SEC14L1: variants seen among roughly 807,000 people sequenced by gnomAD.
The protein encoded by SEC14L1 is SEC14 like lipid binding 1, also known as SEC14-like protein 1.
A neutral mutation model predicts 85.3 loss-of-function variants in SEC14L1; 48 were observed. That is an observed-to-expected ratio of 0.56 (90% CI 0.45 to 0.72). The LOEUF is 0.72. Ranked by LOEUF, SEC14L1 falls within the 30% of genes least tolerant of loss-of-function variation. The probability of loss-of-function intolerance (pLI) is 0.00; values close to 1 mark genes in which losing one functional copy is unlikely to be tolerated. For synonymous variants in SEC14L1, 391 were observed against 355.5 expected (o/e 1.10, Z -1.12); for missense variants, 682 against 921.4 (o/e 0.74, Z 3.36).
chr17:77,206,298 G>T lies in SEC14L1; in HGVS notation c.1239G>T (p.Ala413=). The T allele has an allele frequency of 1.2e-6, 2 of 1,614,140 alleles. No homozygotes were observed. Among genetic ancestry groups the T allele is most frequent in the Non-Finnish European group, 1.7e-6 (2 of 1,180,016 alleles). Reference sequence around the variant, plus strand: ...ACTTGTGGAGACCTGGTGTGAAAGCGCTGCTGCGGATCATCGAGGTGGTGG... The same window carrying T: ...ACTTGTGGAGACCTGGTGTGAAAGCTCTGCTGCGGATCATCGAGGTGGTGG... The part of the protein sequence containing the change: ...MRHLWRPGVK[A]LLRIIEVVEA... Residue 413 remains alanine (A), a synonymous_variant, in exon 12 of 17, where the codon GCG becomes GCT. Transcript: ENST00000436233. The surrounding 1 kb of genome is among the most constrained non-coding windows in gnomAD (Gnocchi z 4.3).
chr17:77,113,009 A>G (rs1205232227), intron 3 of SEC14L1, among the ~76,000 whole-genome samples: 2 of 152,014 alleles, frequency 1.3e-5, no homozygotes, highest in Non-Finnish European at 2.9e-5. Flanking sequence ...CTACAAAAAA[A>G]TTAATCAGGC....
chr17:77,131,785 C>T (rs1972620080), intron 3 of SEC14L1, among the ~76,000 whole-genome samples: 1 of 152,152 alleles, frequency 6.6e-6, no homozygotes, highest in Non-Finnish European at 1.5e-5. Context: ...AGTCAATGTA[C>T]TTTTTGCACA....
At chr17:77,096,025 G>A (rs79211382) in intron 3 of SEC14L1, among the ~76,000 whole-genome samples, 3,121 of 148,962 alleles carry the variant, frequency 0.021, 67 homozygotes, top group Admixed American at 0.053. Flanking sequence ...GTCTCCTGCT[G>A]TCATTCAGTT....
chr17:77,148,640 C>CAGCGA (rs760462167), intron 3 of SEC14L1, among the ~76,000 whole-genome samples: 174 of 152,342 alleles, frequency 1.1e-3, no homozygotes, highest in Admixed American at 4.3e-3. Context: ...AACCAAGGCA[C>CAGCGA]CTGGTTCTGT....
At chr17:77,200,295 A>C (rs1319147261) in intron 8 of SEC14L1, among the ~76,000 whole-genome samples, 189 bp from the exon 9 acceptor site, 1 of 151,898 alleles carries the variant, frequency 6.6e-6, no homozygotes, top group Non-Finnish European at 1.5e-5. Flanking sequence ...TCAGCCTCCG[A>C]GTAGCTGGGA....
intron 3 of SEC14L1, among the ~76,000 whole-genome samples, chr17:77,162,898 G>A (rs1305524740): frequency 6.6e-6 from 1 of 152,010 alleles, no homozygotes; most frequent in Non-Finnish European, 1.5e-5. Flanking sequence ...ATTTTGGAGT[G>A]CTTTGTAGGT....
intron 3 of SEC14L1, among the ~76,000 whole-genome samples, chr17:77,104,478 G>C (rs149514306): frequency 2.9e-5 from 4 of 140,184 alleles, no homozygotes; most frequent in Non-Finnish European, 4.7e-5. Context: ...ATCTGAGACA[G>C]TTCTCTGTTA....
At chr17:77,124,459 C>T (rs773055001) in intron 3 of SEC14L1, among the ~76,000 whole-genome samples, 2 of 152,196 alleles carry the variant, frequency 1.3e-5, no homozygotes, top group Non-Finnish European at 1.5e-5. Flanking sequence ...ACAAGCCCCA[C>T]ACTTCCTTAG....
chr17:77,153,115 T>TG (rs1973640592), intron 3 of SEC14L1, among the ~76,000 whole-genome samples: 1 of 152,230 alleles, frequency 6.6e-6, no homozygotes, highest in Non-Finnish European at 1.5e-5. Flanking sequence ...TCACCCAGGC[T>TG]GGAGTGCAGT....
At chr17:77,136,347 TTCTC>T (rs1004345851), upstream of SEC14L1, among the ~76,000 whole-genome samples, 1 of 126,308 alleles carries the variant, frequency 7.9e-6, no homozygotes, top group Non-Finnish European at 1.8e-5. Flanking sequence ...CTTCCTTCCT[TTCTC>T]TTTCTTTTTT....
chr17:77,138,403 C>T (rs1972855092), upstream of SEC14L1, among the ~76,000 whole-genome samples: 1 of 151,960 alleles, frequency 6.6e-6, no homozygotes, highest in South Asian at 2.1e-4. Flanking sequence ...AGGCAGATCA[C>T]AAGGTCAGGA....
chr17:77,214,977 A>G lies in SEC14L1; in HGVS notation c.*954A>G, dbSNP rs1976966421. ...TGTCCATGGGGTTTTATTAGTAGCT[A>G]AGCAGCAGCTCTCGCATCCACTTCA... On this transcript the variant is annotated 3_prime_UTR_variant, in exon 17 of 17. Coordinates refer to ENST00000436233, the MANE Select transcript of SEC14L1 (RefSeq NM_001143998.2). 1 of 985,268 alleles carries G rather than the reference A, an allele frequency of 1.0e-6. No individual in the cohort carries two copies. The highest frequency in any genetic ancestry group is 6.2e-5 in the Admixed American group (1 of 16,250). The allele number at this position is 985,268 out of a possible 1,614,324, so 61.0% of individuals were successfully genotyped here. A position where few individuals can be genotyped will look rare whatever the true frequency, so the allele number is the denominator to read the frequency against.
chr17:77,160,193 G>A (rs558110357), intron 3 of SEC14L1, among the ~76,000 whole-genome samples: 2 of 152,314 alleles, frequency 1.3e-5, no homozygotes, highest in South Asian at 4.1e-4. Context: ...ATAGCTCATT[G>A]CATTCCTTTA....
At chr17:77,128,552 G>A (rs149032773) in intron 3 of SEC14L1, among the ~76,000 whole-genome samples, 3,803 of 150,198 alleles carry the variant, frequency 0.025, 174 homozygotes, top group African/African-American at 0.089. Context: ...TCTGCTTCTC[G>A]GGTTCAAGTG....
intron 3 of SEC14L1, among the ~76,000 whole-genome samples, chr17:77,144,133 C>G (rs898266316): frequency 4.6e-5 from 7 of 152,080 alleles, no homozygotes; most frequent in Admixed American, 2.0e-4. Context: ...CCGTTATTTA[C>G]CTGAAGAATT....
intron 9 of SEC14L1, 113 bp from the exon 10 acceptor site, chr17:77,203,457 T>C (rs1976284816): frequency 1.2e-6 from 1 of 866,056 alleles, no homozygotes; most frequent in Non-Finnish European, 1.8e-6. Flanking sequence ...AGAAAGACTT[T>C]TAAGCGCCCC....
intron 15 of SEC14L1, among the ~76,000 whole-genome samples, chr17:77,212,463 C>T (rs945478223): frequency 2.2e-4 from 33 of 152,148 alleles, no homozygotes; most frequent in African/African-American, 5.3e-4. Context: ...ATCGCACGCA[C>T]GGGCCCAGCT....
At chr17:77,119,340 T>C (rs997168461) in intron 3 of SEC14L1, among the ~76,000 whole-genome samples, 1 of 148,916 alleles carries the variant, frequency 6.7e-6, no homozygotes, top group Non-Finnish European at 1.5e-5. Flanking sequence ...GCCTGGACAA[T>C]CACTGGGTCA....
At chr17:77,150,709 G>A (rs1036337972) in intron 3 of SEC14L1, among the ~76,000 whole-genome samples, 8 of 152,170 alleles carry the variant, frequency 5.3e-5, no homozygotes, top group Non-Finnish European at 8.8e-5. Flanking sequence ...TGCCCATGTC[G>A]TTCCTCTGGT....
Sources: allele counts gnomAD v4.1 joint callset (sites outside exome capture counted in the v4.1 genomes callset), GRCh38; gene constraint gnomAD v4.1.1; non-coding constraint Gnocchi (gnomAD v3.1); transcripts MANE v1.5; gene names NCBI Gene and HGNC (gene_info 2026-07-23, HGNC 2026-07-21).